CFAP46: variants seen among roughly 807,000 people sequenced by gnomAD.
CFAP46 encodes the protein cilia and flagella associated protein 46, also known as cilia- and flagella-associated protein 46.
Under a neutral mutation model 325.7 loss-of-function variants are expected in CFAP46, and 245 were observed. The observed-to-expected ratio is 0.75, with a 90% CI of 0.68 to 0.84. The LOEUF (loss-of-function observed/expected upper bound fraction) is 0.84. Ranked by LOEUF, CFAP46 falls within the 40% of genes least tolerant of loss-of-function variation. CFAP46 has a pLI of 0.00. For synonymous variants in CFAP46, 1,523 were observed against 1,495.9 expected (o/e 1.02, Z -0.42); for missense variants, 3,346 against 3,543.0 (o/e 0.94, Z 1.41).
intron 25 of CFAP46, among the ~76,000 whole-genome samples, chr10:132,887,429 TTC>T (rs1479651530): frequency 6.0e-5 from 5 of 82,868 alleles, no homozygotes; most frequent in Non-Finnish European, 1.1e-4. Flanking sequence ...TCCTCCCCTC[TTC>T]TTTCCTCTCC....
In CFAP46 at chr10:132,929,780, C is replaced by A. The variant is rs114232252; in HGVS notation, c.891G>T (p.Ala297=). The stretch of plus-strand genomic sequence containing the variant: ...TGCATTTCAAGGTCAAGGAAAAACG[C>A]GCCAATTCAAAAAGCAAAAGCATTC... ...EEKMLLLFEL[A]RFSLTLKCME... The change falls in exon 9 of 58, where the codon GCG becomes GCT. Residue 297 remains alanine (A), a synonymous_variant. Transcript: ENST00000368586. 1,971 of 1,609,156 alleles carry A rather than the reference C, an allele frequency of 1.2e-3. 23 individuals are homozygous for A. The African/African-American group carries it at 0.023, about 19-fold the overall frequency.
intron 50 of CFAP46, among the ~76,000 whole-genome samples, chr10:132,819,632 C>T (rs1309019569): frequency 1.3e-5 from 2 of 152,216 alleles, no homozygotes; most frequent in African/African-American, 4.8e-5. Flanking sequence ...CAAGAACACA[C>T]AATGCGGAAA....
At chr10:132,915,237 C>A (rs1180430398) in intron 17 of CFAP46, among the ~76,000 whole-genome samples, 1 of 152,258 alleles carries the variant, frequency 6.6e-6, no homozygotes, top group Non-Finnish European at 1.5e-5. Context: ...TGAGCAGGCC[C>A]ACCAGGAGTG....
At position 132,865,761 on chromosome 10, in the gene CFAP46, C is replaced by T. The variant is rs1427893799; in HGVS notation, c.4890+264G>A. Among the ~76,000 whole-genome samples the T allele has an allele frequency of 2.0e-5, 3 of 152,214 alleles. No individual in the cohort carries two copies. The East Asian group carries it at 5.8e-4, about 29-fold the overall frequency. ...AGGAGGCAGAGCGGAGCCACTGACA[C>T]CCAAGAGAAACGAGAGGTTGCAGAG... On this transcript the variant is annotated intron_variant, in intron 35 of 57. Transcript: ENST00000368586.
chr10:132,886,193 C>T lies in CFAP46; in HGVS notation c.3305-234G>A, dbSNP rs1849128659. On this transcript the variant is annotated intron_variant, in intron 25 of 57. Coordinates refer to ENST00000368586, the MANE Select transcript of CFAP46 (RefSeq NM_001200049.3). The surrounding 1 kb of genome is among the most constrained non-coding windows in gnomAD (Gnocchi z 5.8). ...CCTTTCCGTTGCAGGAAGCAGCTGT[C>T]TTGTCTCCTTGCTGCCTGTCACTCT... is the stretch of plus-strand genomic sequence containing the variant. 1.3e-5 allele frequency among the ~76,000 whole-genome samples: 2 copies of T among 152,216 alleles called. No individual in the cohort carries two copies. Among genetic ancestry groups the T allele is most frequent in the Non-Finnish European group, 2.9e-5 (2 of 68,034 alleles).
intron 43 of CFAP46, among the ~76,000 whole-genome samples, 193 bp downstream of exon 43, chr10:132,846,739 G>C (rs1309417850): frequency 2.6e-5 from 4 of 152,238 alleles, no homozygotes; most frequent in African/African-American, 7.2e-5. Context: ...AGGGGATCGG[G>C]GATAAGCACA....
chr10:132,859,611 G>A (rs1848696165), intron 37 of CFAP46, among the ~76,000 whole-genome samples: 2 of 152,310 alleles, frequency 1.3e-5, no homozygotes, highest in South Asian at 4.1e-4. Flanking sequence ...CAGCTGGGGG[G>A]CCCAGGGCAA....
chr10:132,915,165 C>T (rs1849617277), intron 17 of CFAP46, among the ~76,000 whole-genome samples: 1 of 152,274 alleles, frequency 6.6e-6, no homozygotes, highest in Non-Finnish European at 1.5e-5. Flanking sequence ...AGTGTCAAAG[C>T]CACTCTCAGC....
intron 16 of CFAP46, among the ~76,000 whole-genome samples, chr10:132,917,478 G>A (rs1849658286): frequency 6.6e-6 from 1 of 152,246 alleles, no homozygotes; most frequent in Admixed American, 6.5e-5. Context: ...AGCCTGCGTG[G>A]GAGGAACAGG....
intron 44 of CFAP46, among the ~76,000 whole-genome samples, chr10:132,837,917 C>A (rs1341380466): frequency 2.9e-4 from 16 of 54,398 alleles, no homozygotes; most frequent in Admixed American, 6.4e-4. Flanking sequence ...ATACACGGAC[C>A]CAGACACGCA....
chr10:132,890,482 G>T (rs1404751645), intron 25 of CFAP46, among the ~76,000 whole-genome samples: 8 of 152,188 alleles, frequency 5.3e-5, no homozygotes, highest in Non-Finnish European at 1.2e-4. Context: ...TAAGGCTTTG[G>T]TTGAAGGATC....
chr10:132,851,267 C>G lies in CFAP46; in HGVS notation c.5613G>C (p.Ala1871=), dbSNP rs779626189. The G allele has an allele frequency of 5.0e-6, 8 of 1,613,910 alleles. No homozygotes were observed. In the African/African-American group the frequency reaches 5.3e-5, roughly 11 times the overall value. Residue 1871 remains alanine (A), a synonymous_variant, in exon 40 of 58, where the codon GCG becomes GCC. Coordinates refer to ENST00000368586, the MANE Select transcript of CFAP46 (RefSeq NM_001200049.3). ...NVNTPLMRKL[A]RLKLGLVEMA... is the part of the protein sequence containing the mutation. ...TTTCCACGAGGCCGAGCTTGAGGCG[C>G]GCCAGCTTCCTCATCAGGGGCGTGT...
chr10:132,908,300 G>A (rs935818467), intron 22 of CFAP46, 168 bp downstream of exon 22: 10 of 739,964 alleles, frequency 1.4e-5, no homozygotes, highest in East Asian at 2.8e-5. Context: ...GGGACCTGGT[G>A]GGGCGCTCAC....
rs533625003 is a variant in CFAP46 at position 132,941,639 on chromosome 10, C to A, written c.258G>T (p.Ala86=). 1.9e-6 allele frequency: 3 copies of A among 1,613,994 alleles called. No homozygotes were observed. Among genetic ancestry groups the A allele is most frequent in the South Asian group, 2.2e-5 (2 of 91,090 alleles). Residue 86 remains alanine, a synonymous_variant, in exon 3 of 58, where the codon GCG becomes GCT. Transcript: ENST00000368586. ...KAPITQFLGR[A]HLCRAQMCAP... ...CACACATCTGGGCCCTGCACAGGTG[C>A]GCTCGGCCCAGAAACTGGGTGATGG...
intron 50 of CFAP46, among the ~76,000 whole-genome samples, chr10:132,821,742 C>T (rs1261852013): frequency 3.5e-4 from 32 of 90,460 alleles, no homozygotes; most frequent in Non-Finnish European, 4.1e-4. Flanking sequence ...GCTGTGTGTG[C>T]GCTGATGTGT....
chr10:132,888,532 G>A lies in CFAP46; in HGVS notation c.3305-2573C>T, dbSNP rs1186067224. Among the ~76,000 whole-genome samples, 8 of 5,670 alleles carry A rather than the reference G, an allele frequency of 1.4e-3. 2 individuals carry two copies. Among genetic ancestry groups the A allele is most frequent in the South Asian group, 9.6e-3 (1 of 104 alleles). The allele number at this position is 5,670 out of a possible 152,430, so 3.7% of individuals were successfully genotyped here. ...TGCACCTGCCACCTTCACCCCTGCC[G>A]CCTGCACCTGCCACCTTCACCCCTG... is the stretch of plus-strand genomic sequence containing the variant. On this transcript the variant is annotated intron_variant, in intron 25 of 57. Transcript: ENST00000368586.
chr10:132,836,162 C>A lies in CFAP46; in HGVS notation c.6593G>T (p.Gly2198Val), dbSNP rs1178357858. Residue 2198 changes from glycine to valine, a missense_variant, in exon 46 of 58, where the codon GGA becomes GTA. Transcript: ENST00000368586. ...CTCACCTCCCACCGCCTGCACCTTT[C>A]CTTTGGCTGCAGTAATGAACTTGGG... is the stretch of plus-strand genomic sequence containing the variant. Reference protein sequence around the residue: ...EKPKFITAAKGKVQAVGGSCK... With the variant: ...EKPKFITAAKVKVQAVGGSCK... The A allele has an allele frequency of 1.1e-5, 17 of 1,608,848 alleles. No homozygotes were observed. Among genetic ancestry groups the A allele is most frequent in the Non-Finnish European group, 1.4e-5 (17 of 1,179,058 alleles).
intron 48 of CFAP46, 101 bp from the exon 49 acceptor site, chr10:132,834,224 A>G: frequency 9.2e-7 from 1 of 1,084,392 alleles, no homozygotes; most frequent in Non-Finnish European, 1.4e-6. Flanking sequence ...AGGCAGCAGC[A>G]CCACGAATCC....
rs1449255805 is a variant in CFAP46 at position 132,934,876 on chromosome 10, A to T, written c.756-14T>A. The T allele has an allele frequency of 6.8e-7, 1 of 1,461,112 alleles. No individual in the cohort carries two copies. 90.5% of individuals were successfully genotyped at this position (1,461,112 alleles called of 1,614,324 possible). The stretch of plus-strand genomic sequence containing the variant: ...TGCTCCGCTTTTCTAGAAATAATTC[A>T]GAGAGTAATTCAGCACAAGATCCTG... On this transcript the variant is annotated splice_polypyrimidine_tract_variant and intron_variant, in intron 7 of 57. Coordinates refer to ENST00000368586, the MANE Select transcript of CFAP46 (RefSeq NM_001200049.3).
Sources: allele counts gnomAD v4.1 joint callset (sites outside exome capture counted in the v4.1 genomes callset), GRCh38; gene constraint gnomAD v4.1.1; non-coding constraint Gnocchi (gnomAD v3.1); transcripts MANE v1.5; gene names NCBI Gene and HGNC (gene_info 2026-07-23, HGNC 2026-07-21).